Variants in ADD3 observed in about 807,000 individuals in gnomAD.
The protein encoded by ADD3 is adducin 3.
Under a neutral mutation model 80.2 loss-of-function variants are expected in ADD3, and 25 were observed. That is an observed-to-expected ratio of 0.31 (90% CI 0.23 to 0.44). The LOEUF (loss-of-function observed/expected upper bound fraction) is 0.44. Ranked by LOEUF, ADD3 falls within the 20% of genes least tolerant of loss-of-function variation. ADD3 has a pLI of 1.00. For synonymous variants in ADD3, 284 were observed against 289.6 expected, an observed-to-expected ratio of 0.98 and a Z score of 0.20; for missense variants, 829 against 847.5, an observed-to-expected ratio of 0.98 and a Z score of 0.27.
At chr10:110,004,704 C>T (rs1243369763), upstream of ADD3, among the ~76,000 whole-genome samples, 1 of 152,054 alleles carries the variant, frequency 6.6e-6, no homozygotes, top group East Asian at 1.9e-4. Flanking sequence ...CACACAGGTA[C>T]ATCATTAACA....
At chr10:110,120,815 G>GA (rs1851397259) in intron 8 of ADD3, among the ~76,000 whole-genome samples, 1 of 152,076 alleles carries the variant, frequency 6.6e-6, no homozygotes, top group African/African-American at 2.4e-5. Context: ...TAGATAAATG[G>GA]AACAGAACGG....
intron 1 of ADD3, among the ~76,000 whole-genome samples, chr10:110,066,530 G>T (rs1843980232): frequency 6.6e-6 from 1 of 152,098 alleles, no homozygotes; most frequent in African/African-American, 2.4e-5. Context: ...ACCGTGCCTG[G>T]CCCTTGATTA....
intron 1 of ADD3, among the ~76,000 whole-genome samples, chr10:110,035,389 A>T (rs540988342): frequency 6.6e-6 from 1 of 152,322 alleles, no homozygotes; most frequent in African/African-American, 2.4e-5. Context: ...AACTCACTAG[A>T]ACAGCCTTTA....
chr10:110,119,341 G>T lies in ADD3; in HGVS notation c.848G>T (p.Gly283Val). The stretch of plus-strand genomic sequence containing the variant: ...AGAATTCAACTGCAGAAGGTTCTGG[G>T]ACCAAGTTGTAAGGTATGTAGTAGA... ...EERIQLQKVL[G>V]PSCKVLVLRN... The change falls in exon 7 of 15, where the codon GGA (glycine) becomes GTA (valine). Residue 283 changes from glycine to valine, a missense_variant. By Grantham distance (109) the Gly-to-Val change is moderately radical. Coordinates refer to ENST00000356080, the MANE Select transcript of ADD3 (RefSeq NM_016824.5). 42 of 1,614,082 alleles carry T rather than the reference G, an allele frequency of 2.6e-5. No individual in the cohort carries two copies. The highest frequency in any genetic ancestry group is 3.5e-5 in the Non-Finnish European group (41 of 1,179,992).
chr10:110,104,238 C>G (rs61881640), intron 2 of ADD3, among the ~76,000 whole-genome samples: 1 of 152,172 alleles, frequency 6.6e-6, no homozygotes, highest in South Asian at 2.1e-4. Context: ...TCCATCTGGA[C>G]AAATGTTTGG....
chr10:110,014,221 T>C (rs574724550), intron 1 of ADD3, among the ~76,000 whole-genome samples: 2 of 152,328 alleles, frequency 1.3e-5, no homozygotes, highest in African/African-American at 4.8e-5. Flanking sequence ...GAGCAACTGT[T>C]AGCTGCATCG....
chr10:110,050,282 C>G, intron 1 of ADD3, among the ~76,000 whole-genome samples: 1 of 152,136 alleles, frequency 6.6e-6, no homozygotes, highest in South Asian at 2.1e-4. Flanking sequence ...TCCCATGTGC[C>G]GTAGGAGGGA....
At chr10:110,010,578 C>T (rs1172242950) in intron 1 of ADD3, among the ~76,000 whole-genome samples, 1 of 152,130 alleles carries the variant, frequency 6.6e-6, no homozygotes, top group Non-Finnish European at 1.5e-5. Flanking sequence ...GCTGTTAGGT[C>T]ATGCTACCCA....
chr10:110,125,677 A>G (rs1852058526), intron 10 of ADD3, 149 bp from the exon 11 acceptor site: 11 of 448,700 alleles, frequency 2.5e-5, no homozygotes, highest in Non-Finnish European at 3.5e-5. Context: ...AACTAGTATG[A>G]GATGAAACTA....
chr10:110,028,569 C>T (rs2133163008), intron 1 of ADD3, among the ~76,000 whole-genome samples: 1 of 152,064 alleles, frequency 6.6e-6, no homozygotes, highest in Admixed American at 6.5e-5. Flanking sequence ...CGTCTCAAAA[C>T]AAAAGAAAAA....
In ADD3 at chr10:110,118,583, C is replaced by T; in HGVS notation, c.568-4C>T. 6.2e-7 allele frequency: 1 copy of T among 1,612,842 alleles called. No individual in the cohort carries two copies. The highest frequency in any genetic ancestry group is 8.5e-7 in the Non-Finnish European group (1 of 1,179,064). The stretch of plus-strand genomic sequence containing the variant: ...GTTAAATATGTCCTTCTGATTTTTT[C>T]CAGGTGAAAGTCAATATAATAGGAG... On this transcript the variant is annotated splice_polypyrimidine_tract_variant and splice_region_variant and intron_variant, in intron 5 of 14. Coordinates refer to ENST00000356080, the MANE Select transcript of ADD3 (RefSeq NM_016824.5).
intron 1 of ADD3, among the ~76,000 whole-genome samples, chr10:110,047,872 A>G (rs1857070260): frequency 6.6e-6 from 1 of 152,248 alleles, no homozygotes; most frequent in Non-Finnish European, 1.5e-5. Context: ...ATCCAGCTCA[A>G]CTAATGAGAA....
At chr10:110,065,330 T>G (rs936206099) in intron 1 of ADD3, among the ~76,000 whole-genome samples, 1 of 151,948 alleles carries the variant, frequency 6.6e-6, no homozygotes, top group Non-Finnish European at 1.5e-5. Context: ...GTTGCAGGTT[T>G]AATTGTCAGT....
chr10:110,090,521 C>T (rs539568640), intron 1 of ADD3, among the ~76,000 whole-genome samples: 35 of 152,112 alleles, frequency 2.3e-4, no homozygotes, highest in African/African-American at 7.7e-4. Context: ...ATGCCCAGCC[C>T]CTACTTGACA....
At position 110,124,207 on chromosome 10, in the gene ADD3, C is replaced by T. The variant is rs1286725824; in HGVS notation, c.1334C>T (p.Thr445Ile). 2.5e-6 allele frequency: 4 copies of T among 1,614,194 alleles called. No individual in the cohort carries two copies. Among genetic ancestry groups the T allele is most frequent in the Non-Finnish European group, 3.4e-6 (4 of 1,180,018 alleles). ...ACAAGATGGCTGAACTCACCAAATACTTACATGAAAGTGAATGTGCCTGAG... is the reference window on the plus strand; with the variant it reads ...ACAAGATGGCTGAACTCACCAAATATTTACATGAAAGTGAATGTGCCTGAG... ...EKTRWLNSPN[T>I]YMKVNVPEES... The change falls in exon 10 of 15, where the codon ACT (threonine) becomes ATT (isoleucine). Residue 445 changes from threonine to isoleucine, a missense_variant. By Grantham distance (89) the Thr-to-Ile change is moderately conservative (BLOSUM62 -1). Coordinates refer to ENST00000356080, the MANE Select transcript of ADD3 (RefSeq NM_016824.5).
intron 1 of ADD3, among the ~76,000 whole-genome samples, chr10:110,084,803 A>G (rs1846504917): frequency 6.6e-6 from 1 of 152,216 alleles, no homozygotes; most frequent in Admixed American, 6.5e-5. Context: ...TTTCTCTACA[A>G]TCCTAACAAA....
chr10:110,094,786 A>C (rs1477224925), intron 1 of ADD3, among the ~76,000 whole-genome samples: 1 of 152,230 alleles, frequency 6.6e-6, no homozygotes, highest in East Asian at 1.9e-4. Flanking sequence ...AATAACTTTA[A>C]AATTTCATAG....
chr10:110,127,397 T>A (rs1852312678), intron 12 of ADD3, among the ~76,000 whole-genome samples: 1 of 152,194 alleles, frequency 6.6e-6, no homozygotes, highest in Non-Finnish European at 1.5e-5. Flanking sequence ...GGCGGGCAGA[T>A]CACGAGGTCA....
At chr10:110,036,398 TGAGAC>T (rs1469443586) in intron 1 of ADD3, among the ~76,000 whole-genome samples, 24 of 149,314 alleles carry the variant, frequency 1.6e-4, no homozygotes, top group African/African-American at 5.5e-4. Context: ...TTTTTTTTCT[TGAGAC>T]GAGTCTTGCT....
Sources: gnomAD v4.1 joint callset for allele counts (sites outside exome capture counted in the v4.1 genomes callset) on GRCh38, gnomAD v4.1.1 for gene constraint, MANE v1.5 for transcripts, NCBI Gene and HGNC (gene_info 2026-07-23, HGNC 2026-07-21) for gene names.